The following SEMA6D variants were observed in gnomAD, a reference collection of about 807,000 sequenced individuals.
SEMA6D encodes semaphorin 6D, also known as semaphorin-6D.
In SEMA6D, 35 loss-of-function variants were observed where a neutral mutation model predicts 106.6. The ratio of observed to expected loss-of-function variants is 0.33; its 90% CI spans 0.25 to 0.44. The LOEUF (loss-of-function observed/expected upper bound fraction) is 0.44. Ranked by LOEUF, SEMA6D falls within the 20% of genes least tolerant of loss-of-function variation. The pLI, the probability that SEMA6D is intolerant of heterozygous loss-of-function variation, is 1.00. For missense variants in SEMA6D, 1,185 were observed against 1,345.9 expected (o/e 0.88, Z 1.87); for synonymous variants, 499 against 487.7 (o/e 1.02, Z -0.31).
In SEMA6D at chr15:47,365,479, C is replaced by T. The variant is rs553152240; in HGVS notation, c.-238-46914C>T. ...AGATAGAAATTTGTTTCTAAATCAG[C>T]GTCTAATCTCTTGACTGGGTCAATT... On this transcript the variant is annotated intron_variant, in intron 1 of 19. Coordinates refer to the SEMA6D transcript ENST00000558014. Among the ~76,000 whole-genome samples the T allele has an allele frequency of 1.1e-3, 167 of 152,232 alleles. 1 individual carries two copies. Among genetic ancestry groups the T allele is most frequent in the South Asian group, 5.8e-3 (28 of 4,826 alleles).
intron 4 of SEMA6D, among the ~76,000 whole-genome samples, chr15:47,621,668 C>A (rs1284849613): frequency 6.6e-6 from 1 of 152,130 alleles, no homozygotes; most frequent in Non-Finnish European, 1.5e-5. Flanking sequence ...ACACCCACAG[C>A]CCCACCCTCT....
chr15:47,588,121 T>G (rs1209844238), intron 3 of SEMA6D, among the ~76,000 whole-genome samples: 3 of 152,066 alleles, frequency 2.0e-5, no homozygotes, highest in African/African-American at 7.2e-5. Flanking sequence ...CCACGCCCTA[T>G]CCCATACACA....
chr15:47,702,230 C>T (rs998465170), intron 4 of SEMA6D, among the ~76,000 whole-genome samples: 1 of 152,112 alleles, frequency 6.6e-6, no homozygotes, highest in South Asian at 2.1e-4. Flanking sequence ...AAACACCTCA[C>T]CAAAGAAGAT....
At chr15:47,202,357 C>T (rs1365607021) in intron 1 of SEMA6D, among the ~76,000 whole-genome samples, 2 of 151,998 alleles carry the variant, frequency 1.3e-5, no homozygotes, top group African/African-American at 4.8e-5. Flanking sequence ...CGGGTGGCCT[C>T]AAGCAGACAC....
In SEMA6D at chr15:47,351,292, T is replaced by C. The variant is rs376323299; in HGVS notation, c.-238-61101T>C. On this transcript the variant is annotated intron_variant, in intron 1 of 19. Coordinates refer to the SEMA6D transcript ENST00000558014. ...ATAGATAAAGGTGTGAATTACTGTT[T>C]TTACCACTACTTATTGTAAACTATT... is the stretch of plus-strand genomic sequence containing the variant. Among the ~76,000 whole-genome samples the C allele has an allele frequency of 3.9e-5, 6 of 152,320 alleles. No homozygotes were observed. The South Asian group carries it at 1.2e-3, about 32-fold the overall frequency.
chr15:47,269,953 A>G (rs2034485270), intron 1 of SEMA6D, among the ~76,000 whole-genome samples: 1 of 151,796 alleles, frequency 6.6e-6, no homozygotes, highest in Non-Finnish European at 1.5e-5. Context: ...AGTTGCAACT[A>G]CAAGTCAGTT....
chr15:47,554,228 C>G (rs551395369), intron 3 of SEMA6D, among the ~76,000 whole-genome samples: 1 of 152,142 alleles, frequency 6.6e-6, no homozygotes, highest in Admixed American at 6.6e-5. Context: ...AGTGTAGAGT[C>G]CTCTATTCGT....
chr15:47,643,687 T>C (rs2077530715), intron 4 of SEMA6D, among the ~76,000 whole-genome samples: 1 of 152,240 alleles, frequency 6.6e-6, no homozygotes, highest in Non-Finnish European at 1.5e-5. Flanking sequence ...GATACAAGTA[T>C]ACAATTTGTA....
At chr15:47,614,088 G>A (rs2076962000) in intron 4 of SEMA6D, among the ~76,000 whole-genome samples, 1 of 152,088 alleles carries the variant, frequency 6.6e-6, no homozygotes, top group African/African-American at 2.4e-5. Context: ...CAGCTACCCT[G>A]TAAGTAGAGA....
chr15:47,501,641 G>C (rs899098844), intron 3 of SEMA6D, among the ~76,000 whole-genome samples: 1 of 152,140 alleles, frequency 6.6e-6, no homozygotes, highest in Non-Finnish European at 1.5e-5. Flanking sequence ...TGTCAGCAGA[G>C]GGTTTCTGGA....
intron 2 of SEMA6D, among the ~76,000 whole-genome samples, chr15:47,430,593 A>G (rs930899350): frequency 6.6e-6 from 1 of 152,072 alleles, no homozygotes; most frequent in Admixed American, 6.6e-5. Flanking sequence ...TGCACCTGGA[A>G]ATACTAAGAC....
chr15:47,287,728 A>G (rs948950923), intron 1 of SEMA6D, among the ~76,000 whole-genome samples: 1 of 152,150 alleles, frequency 6.6e-6, no homozygotes, highest in Non-Finnish European at 1.5e-5. Flanking sequence ...CACTTTGACA[A>G]TTTCCACTTA....
At chr15:47,513,721 G>GT (rs975204771) in intron 3 of SEMA6D, among the ~76,000 whole-genome samples, 38 of 152,312 alleles carry the variant, frequency 2.5e-4, no homozygotes, top group African/African-American at 6.0e-4. Flanking sequence ...TCTGTGGTTT[G>GT]TTTTTCTTGA....
chr15:47,380,128 T>C (rs1014479916), intron 1 of SEMA6D, among the ~76,000 whole-genome samples: 26 of 152,222 alleles, frequency 1.7e-4, no homozygotes, highest in African/African-American at 5.8e-4. Flanking sequence ...CTGCCATAGT[T>C]TGATTGGGTA....
intron 2 of SEMA6D, among the ~76,000 whole-genome samples, chr15:47,423,822 G>A (rs938411811): frequency 6.6e-6 from 1 of 151,848 alleles, no homozygotes; most frequent in Admixed American, 6.6e-5. Flanking sequence ...TTGGTGGTGG[G>A]GTTTGTCTAA....
chr15:47,602,726 G>C (rs1375924746), intron 4 of SEMA6D, among the ~76,000 whole-genome samples: 1 of 152,054 alleles, frequency 6.6e-6, no homozygotes, highest in Non-Finnish European at 1.5e-5. Flanking sequence ...TTGCTTCAGA[G>C]ACCTTTCATC....
chr15:47,399,099 T>C (rs2040313653), intron 1 of SEMA6D, among the ~76,000 whole-genome samples: 1 of 152,222 alleles, frequency 6.6e-6, no homozygotes, highest in Non-Finnish European at 1.5e-5. Flanking sequence ...AGTCTAAAAA[T>C]ATAAACTTCT....
intron 4 of SEMA6D, among the ~76,000 whole-genome samples, chr15:47,666,530 T>C (rs1271878720): frequency 6.6e-6 from 1 of 152,204 alleles, no homozygotes; most frequent in Non-Finnish European, 1.5e-5. Context: ...ACTGGTTTGA[T>C]GGCATCTTTC....
chr15:47,666,257 A>G (rs945982882), intron 4 of SEMA6D, among the ~76,000 whole-genome samples: 1 of 152,218 alleles, frequency 6.6e-6, no homozygotes, highest in African/African-American at 2.4e-5. Flanking sequence ...GAAACAAGAA[A>G]TTAAACTGCC....
Sources: allele counts gnomAD v4.1 joint callset (sites outside exome capture counted in the v4.1 genomes callset), GRCh38; gene constraint gnomAD v4.1.1; transcripts MANE v1.5; gene names NCBI Gene and HGNC (gene_info 2026-07-23, HGNC 2026-07-21).